PON2: variants seen among roughly 807,000 people sequenced by gnomAD.
PON2 encodes the protein paraoxonase 2, also known as serum paraoxonase/arylesterase 2.
PON2 carries 27 observed loss-of-function variants against 36.6 expected under a neutral mutation model. That is an observed-to-expected ratio of 0.74 (90% CI 0.54 to 1.02). The LOEUF (loss-of-function observed/expected upper bound fraction) is 1.02. PON2 is among the 50% of genes least tolerant of loss of function. The pLI is 0.00. For missense variants in PON2, 363 were observed against 421.1 expected (o/e 0.86, Z 1.21); for synonymous variants, 149 against 156.3 (o/e 0.95, Z 0.35).
Position 95,426,171 on chromosome 7 carries a change from A to G in PON2, c.75-1586T>C, listed in dbSNP as rs76702103. On this transcript the variant is annotated intron_variant, in intron 1 of 8. Transcript: ENST00000222572. ...TACTCACTACCTGGGTGATGGCATC[A>G]GTTGTTCCCCAAACCTCAGCATCAG... Among the ~76,000 whole-genome samples the G allele has an allele frequency of 5.9e-3, 892 of 152,300 alleles. 10 individuals are homozygous for G. Among genetic ancestry groups the G allele is most frequent in the African/African-American group, 0.02 (849 of 41,580 alleles).
rs1374727815 is a variant in PON2 at position 95,411,723 on chromosome 7, T to C, written c.424A>G (p.Ile142Val). 6 of 1,613,608 alleles carry C rather than the reference T, an allele frequency of 3.7e-6. No individual in the cohort carries two copies. In the East Asian group the frequency reaches 1.1e-4, roughly 30 times the overall value. Reference sequence around the variant, plus strand: ...TTTTCTGCTTCTTCAAATTTAAAAATTTCCACTGTATTCTTGAATTCTGGG... The same window carrying C: ...TTTTCTGCTTCTTCAAATTTAAAAACTTCCACTGTATTCTTGAATTCTGGG... ...NHPEFKNTVE[I>V]FKFEEAENSL... Residue 142 changes from isoleucine (I) to valine (V), a missense_variant, in exon 5 of 9, where the codon ATT (isoleucine) becomes GTT (valine). Physicochemically the swap from Ile to Val is conservative, Grantham distance 29 (BLOSUM62 3). Coordinates refer to ENST00000222572, the MANE Select transcript of PON2 (RefSeq NM_000305.3).
chr7:95,420,992 A>G (rs1044559199), intron 2 of PON2, among the ~76,000 whole-genome samples: 1 of 152,320 alleles, frequency 6.6e-6, no homozygotes, highest in Admixed American at 6.5e-5. Context: ...CAAAAAAGAA[A>G]AAAAAAAGGA....
Position 95,416,261 on chromosome 7 carries a change from C to G in PON2, c.182G>C (p.Gly61Ala). ...ACTCACCACACTAAAAAAAGCCAGA[C>G]CATTGGGAAGTATGTCAATATCTTC... ...GSEDIDILPN[G>A]LAFFSVGLKF... is the part of the protein sequence containing the mutation. The change falls in exon 3 of 9, where the codon GGT becomes GCT. Residue 61 changes from glycine (G) to alanine (A), a missense_variant. Physicochemically the swap from Gly to Ala is moderately conservative, Grantham distance 60. Transcript: ENST00000222572. 7.4e-6 allele frequency: 12 copies of G among 1,613,304 alleles called. No individual in the cohort carries two copies. Among genetic ancestry groups the G allele is most frequent in the Non-Finnish European group, 1.0e-5 (12 of 1,179,334 alleles).
At chr7:95,412,567 T>C (rs1446157991) in intron 3 of PON2, 90 bp from the exon 4 acceptor site, 5 of 1,401,252 alleles carry the variant, frequency 3.6e-6, no homozygotes, top group East Asian at 2.4e-5. Context: ...TAAATAGAGA[T>C]TGTGGTTAAA....
intron 2 of PON2, among the ~76,000 whole-genome samples, chr7:95,421,063 C>T (rs1781175561): frequency 6.6e-6 from 1 of 152,162 alleles, no homozygotes; most frequent in South Asian, 2.1e-4. Context: ...ATCCTCTCCG[C>T]TCTGTTGCCT....
chr7:95,428,262 C>T (rs548385791), intron 1 of PON2, among the ~76,000 whole-genome samples: 9 of 152,234 alleles, frequency 5.9e-5, no homozygotes, highest in East Asian at 1.9e-4. Context: ...TTCCTCATCA[C>T]GAGCCTATGG....
intron 2 of PON2, among the ~76,000 whole-genome samples, chr7:95,423,600 C>T (rs1027816210): frequency 1.3e-5 from 2 of 152,112 alleles, no homozygotes; most frequent in African/African-American, 4.8e-5. Context: ...TCAGACTCCA[C>T]AATACATCCT....
chr7:95,416,428 G>C, intron 2 of PON2, 131 bp from the exon 3 acceptor site: 1 of 1,044,388 alleles, frequency 9.6e-7, no homozygotes, highest in Non-Finnish European at 1.4e-6. Flanking sequence ...TTTTTCCAAG[G>C]AACCATTCTT....
At chr7:95,412,825 T>A (rs1026385871) in intron 3 of PON2, 3 of 357,834 alleles carry the variant, frequency 8.4e-6, no homozygotes, top group South Asian at 7.5e-5. Flanking sequence ...CCTGGAACAG[T>A]GCCTGGCATA....
In PON2 at chr7:95,428,098, C is replaced by T. The variant is rs573626390; in HGVS notation, c.75-3513G>A. ...TTGCTAATCAATAACAGCACTCTCC[C>T]TCTAACCCAGAGCCAGCCTCAGACA... On this transcript the variant is annotated intron_variant, in intron 1 of 8. Coordinates refer to ENST00000222572, the MANE Select transcript of PON2 (RefSeq NM_000305.3). Among the ~76,000 whole-genome samples the T allele has an allele frequency of 1.4e-4, 21 of 152,344 alleles. No individual in the cohort carries two copies. The Middle Eastern group carries it at 0.01, about 74-fold the overall frequency.
chr7:95,426,505 C>A (rs567144620), intron 1 of PON2, among the ~76,000 whole-genome samples: 1 of 152,330 alleles, frequency 6.6e-6, no homozygotes, highest in South Asian at 2.1e-4. Context: ...AAACAATTTT[C>A]CCACGGCGCA....
At chr7:95,410,472 G>T (rs916628561) in intron 5 of PON2, among the ~76,000 whole-genome samples, 4 of 152,190 alleles carry the variant, frequency 2.6e-5, no homozygotes, top group African/African-American at 9.7e-5. Flanking sequence ...TGGCTGGTGA[G>T]CTGGTTAGGC....
intron 6 of PON2, chr7:95,409,615 A>T (rs985530075): frequency 6.6e-6 from 1 of 151,184 alleles, no homozygotes; most frequent in Admixed American, 6.7e-5. Context: ...TTTGACAATG[A>T]TGTATTCCAA....
intron 2 of PON2, among the ~76,000 whole-genome samples, chr7:95,417,055 C>G (rs779744967): frequency 3.9e-5 from 6 of 151,962 alleles, no homozygotes; most frequent in Non-Finnish European, 7.4e-5. Context: ...GATAATAGAC[C>G]CAAACACAAG....
intron 4 of PON2, among the ~76,000 whole-genome samples, chr7:95,412,079 G>T (rs1247448269): frequency 3.3e-5 from 5 of 152,156 alleles, no homozygotes; most frequent in Non-Finnish European, 7.3e-5. Flanking sequence ...TATATGAAAA[G>T]ATTATGAAAT....
intron 5 of PON2, 62 bp downstream of exon 5, chr7:95,411,591 A>C: frequency 6.3e-7 from 1 of 1,594,564 alleles, no homozygotes; most frequent in South Asian, 1.1e-5. Context: ...AGGACAACCC[A>C]CCATAGGGAT....
intron 6 of PON2, chr7:95,409,616 T>G (rs192732864): frequency 6.6e-6 from 1 of 151,260 alleles, no homozygotes; most frequent in Non-Finnish European, 1.5e-5. Context: ...TTGACAATGA[T>G]GTATTCCAAA....
chr7:95,424,456 GT>G, intron 2 of PON2, 58 bp downstream of exon 2: 3 of 1,356,766 alleles, frequency 2.2e-6, no homozygotes, highest in Non-Finnish European at 3.2e-6. Flanking sequence ...ATTAATGAGT[GT>G]TTTAATGTTA....
At chr7:95,434,471 G>C (rs1251997320) in intron 1 of PON2, 1 of 188,828 alleles carries the variant, frequency 5.3e-6, no homozygotes, top group African/African-American at 2.4e-5. Flanking sequence ...GGGCAACAAG[G>C]AGAAACAGCA....
Sources: gnomAD v4.1 joint callset for allele counts (sites outside exome capture counted in the v4.1 genomes callset) on GRCh38, gnomAD v4.1.1 for gene constraint, MANE v1.5 for transcripts, NCBI Gene and HGNC (gene_info 2026-07-23, HGNC 2026-07-21) for gene names.